The following WDFY4 variants were observed in gnomAD, a reference collection of about 807,000 sequenced individuals.
The protein encoded by WDFY4 is WDFY family member 4.
Under a neutral mutation model 351.9 loss-of-function variants are expected in WDFY4, and 169 were observed. The observed-to-expected ratio is 0.48, with a 90% CI of 0.42 to 0.55. The LOEUF is 0.55. WDFY4 is among the 20% of genes least tolerant of loss of function. WDFY4 has a pLI of 0.00. For synonymous variants in WDFY4, 1,622 were observed against 1,574.6 expected, an observed-to-expected ratio of 1.03 and a Z score of -0.71; for missense variants, 3,803 against 3,935.6, an observed-to-expected ratio of 0.97 and a Z score of 0.90.
At chr10:48,841,595 C>A (rs2068609839) in intron 39 of WDFY4, among the ~76,000 whole-genome samples, 1 of 152,184 alleles carries the variant, frequency 6.6e-6, no homozygotes, top group Non-Finnish European at 1.5e-5. Context: ...CTGCACATAT[C>A]AAACTTGAAG....
At chr10:48,750,823 G>A (rs1008809899) in intron 12 of WDFY4, among the ~76,000 whole-genome samples, 21 of 152,350 alleles carry the variant, frequency 1.4e-4, no homozygotes, top group Admixed American at 1.1e-3. Flanking sequence ...AAATAAGATG[G>A]TGTTCAAATC....
chr10:48,855,342 C>A (rs1433392157), intron 39 of WDFY4, among the ~76,000 whole-genome samples: 1 of 152,070 alleles, frequency 6.6e-6, no homozygotes, highest in East Asian at 1.9e-4. Context: ...CCAAAGTAGT[C>A]CCTCTTTTAG....
At chr10:48,853,386 C>T (rs117625677) in intron 39 of WDFY4, among the ~76,000 whole-genome samples, 1 of 152,202 alleles carries the variant, frequency 6.6e-6, no homozygotes, top group Non-Finnish European at 1.5e-5. Flanking sequence ...CTTAGTTTGT[C>T]TAATTTAATC....
intron 35 of WDFY4, 128 bp from the exon 36 acceptor site, chr10:48,826,543 A>C: frequency 3.0e-6 from 2 of 666,610 alleles, no homozygotes; most frequent in Middle Eastern, 3.5e-4. Flanking sequence ...CATTGAATCT[A>C]TAAATTACTT....
chr10:48,908,798 C>A (rs1225291728), intron 47 of WDFY4, among the ~76,000 whole-genome samples: 1 of 152,150 alleles, frequency 6.6e-6, no homozygotes, highest in Non-Finnish European at 1.5e-5. Context: ...GTATGCGTAG[C>A]TCTTTGTCAT....
At chr10:48,879,343 T>C (rs974876357) in intron 43 of WDFY4, among the ~76,000 whole-genome samples, 1 of 152,200 alleles carries the variant, frequency 6.6e-6, no homozygotes, top group African/African-American at 2.4e-5. Flanking sequence ...CCCTACGTTG[T>C]CTATGGTGGC....
chr10:48,807,993 G>C, intron 28 of WDFY4, 35 bp downstream of exon 28: 1 of 1,493,544 alleles, frequency 6.7e-7, no homozygotes, highest in South Asian at 1.3e-5. Context: ...TTGGCAGGAG[G>C]TTACCTCATA....
intron 11 of WDFY4, among the ~76,000 whole-genome samples, chr10:48,737,692 C>T (rs955414861): frequency 4.6e-5 from 7 of 151,276 alleles, no homozygotes; most frequent in East Asian, 3.9e-4. Context: ...GTGATTTGTA[C>T]GAAACAAAAA....
chr10:48,774,731 A>G (rs1403346297), intron 14 of WDFY4, 59 bp downstream of exon 14: 1 of 1,540,460 alleles, frequency 6.5e-7, no homozygotes, highest in African/African-American at 1.4e-5. Flanking sequence ...TTTGCAGGGC[A>G]GGGGTTGCAC....
chr10:48,755,766 T>C (rs920147343), intron 12 of WDFY4, among the ~76,000 whole-genome samples: 1 of 152,158 alleles, frequency 6.6e-6, no homozygotes, highest in African/African-American at 2.4e-5. Flanking sequence ...TTGTAAGATA[T>C]CAAATGCAAG....
chr10:48,872,131 C>T (rs1313934933), intron 40 of WDFY4, among the ~76,000 whole-genome samples: 1 of 152,216 alleles, frequency 6.6e-6, no homozygotes, highest in Non-Finnish European at 1.5e-5. Context: ...CACTATCCCC[C>T]ACCCCAAAGC....
intron 47 of WDFY4, among the ~76,000 whole-genome samples, chr10:48,928,497 T>C (rs144617846): frequency 0.011 from 1,599 of 151,956 alleles, 11 homozygotes; most frequent in Non-Finnish European, 0.016. Flanking sequence ...GAAACCCTAT[T>C]CAGACCCTGC....
chr10:48,900,988 T>A (rs1273861365), intron 46 of WDFY4, among the ~76,000 whole-genome samples: 1 of 152,136 alleles, frequency 6.6e-6, no homozygotes, highest in South Asian at 2.1e-4. Context: ...CTGCTCCACA[T>A]GGGCTGGAAG....
In WDFY4 at chr10:48,814,071, A is replaced by G. The variant is rs780151294; in HGVS notation, c.5329A>G (p.Thr1777Ala). 6 of 1,548,920 alleles carry G rather than the reference A, an allele frequency of 3.9e-6. No homozygotes were observed. The African/African-American group carries it at 8.2e-5, about 21-fold the overall frequency. The change falls in exon 31 of 62, where the codon ACC (threonine) becomes GCC (alanine). Residue 1777 changes from threonine to alanine, a missense_variant. Around this residue, in one of 3 missense-constraint regions of WDFY4, gnomAD observed 3,054 missense variants for 3,148.6 expected, o/e 0.97. Transcript: ENST00000325239. Reference protein sequence around the residue: ...ALLLLEMLKATMSQPLAGSED... With the variant: ...ALLLLEMLKAAMSQPLAGSED... ...GCTCCTCCTGGAAATGCTGAAGGCC[A>G]CCATGAGCCAGGTGAGACCCATTCC...
chr10:48,865,300 A>T (rs1277516910), intron 39 of WDFY4, among the ~76,000 whole-genome samples: 2 of 151,998 alleles, frequency 1.3e-5, no homozygotes, highest in East Asian at 1.9e-4. Flanking sequence ...ATTTTTGTCA[A>T]TTTTTTTAAA....
At position 48,731,468 on chromosome 10, in the gene WDFY4, G is replaced by C. The variant is rs1179680693; in HGVS notation, c.1488G>C (p.Gly496=). 10 of 1,551,622 alleles carry C rather than the reference G, an allele frequency of 6.4e-6. No homozygotes were observed. The East Asian group carries it at 2.2e-4, about 34-fold the overall frequency. ...AGAGCATCCTCAGCATCGCTGGTGGGGACCCCCTCTTCACCGACATCTTCC... is the reference window on the plus strand; with the variant it reads ...AGAGCATCCTCAGCATCGCTGGTGGCGACCCCCTCTTCACCGACATCTTCC... ...ALQSILSIAG[G]DPLFTDIFRD... Residue 496 remains glycine, a synonymous_variant, in exon 9 of 62, where the codon GGG becomes GGC. Coordinates refer to ENST00000325239, the MANE Select transcript of WDFY4 (RefSeq NM_001394531.1).
At chr10:48,904,149 G>T (rs1314263327) in intron 47 of WDFY4, among the ~76,000 whole-genome samples, 1 of 152,220 alleles carries the variant, frequency 6.6e-6, no homozygotes, top group African/African-American at 2.4e-5. Context: ...ACCAGCAGAG[G>T]CTCCTATTGT....
At chr10:48,750,781 ATCTATCAATT>A (rs2065159716) in intron 12 of WDFY4, among the ~76,000 whole-genome samples, 1 of 152,252 alleles carries the variant, frequency 6.6e-6, no homozygotes, top group African/African-American at 2.4e-5. Context: ...GGCACTGTAC[ATCTATCAATT>A]TTTGGTTTCT....
chr10:48,886,788 A>G (rs908794171), intron 43 of WDFY4, among the ~76,000 whole-genome samples: 1 of 152,244 alleles, frequency 6.6e-6, no homozygotes, highest in Non-Finnish European at 1.5e-5. Context: ...GTCATCATAC[A>G]CAGAGCTAGC....
Sources: allele counts gnomAD v4.1 joint callset (sites outside exome capture counted in the v4.1 genomes callset), GRCh38; gene constraint gnomAD v4.1.1; regional missense constraint gnomAD v4.1.1; transcripts MANE v1.5; gene names NCBI Gene and HGNC (gene_info 2026-07-23, HGNC 2026-07-21).